PTPRD: variants seen among roughly 807,000 people sequenced by gnomAD.
The protein encoded by PTPRD is receptor-type tyrosine-protein phosphatase delta.
In PTPRD, 34 loss-of-function variants were observed where a neutral mutation model predicts 214.5. That is an observed-to-expected ratio of 0.16 (90% confidence interval 0.12 to 0.21). The LOEUF is 0.21. PTPRD is among the 10% of genes least tolerant of loss of function. The pLI, the probability that PTPRD is intolerant of heterozygous loss-of-function variation, is 1.00. For synonymous variants in PTPRD, 1,128 were observed against 845.7 expected (o/e 1.33, Z -5.79); for missense variants, 2,545 against 2,398.7 (o/e 1.06, Z -1.27).
At chr9:9,281,666 A>G (rs1388186483) in intron 9 of PTPRD, among the ~76,000 whole-genome samples, 4 of 151,374 alleles carry the variant, frequency 2.6e-5, no homozygotes, top group African/African-American at 9.7e-5. Flanking sequence ...AAAATGGTAC[A>G]GCCACTTAGA....
intron 7 of PTPRD, among the ~76,000 whole-genome samples, chr9:9,638,135 A>G (rs1039025189): frequency 6.6e-6 from 1 of 152,050 alleles, no homozygotes; most frequent in African/African-American, 2.4e-5. Context: ...CAAACCTGTG[A>G]TTTTTTCCTC....
rs546086798 is a variant in PTPRD at position 8,942,908 on chromosome 9, T to TA, written c.-104+75788dup. ...CCTAAAGACTCCACCAAAAAATTAT[T>TA]AAATAAGTTTAGATTGATAAACAAA... On this transcript the variant is annotated intron_variant, in intron 11 of 45. Coordinates refer to ENST00000381196, the MANE Select transcript of PTPRD (RefSeq NM_002839.4). Among the ~76,000 whole-genome samples the TA allele has an allele frequency of 1.4e-3, 211 of 152,254 alleles. 1 individual carries two copies. The highest frequency in any genetic ancestry group is 4.1e-3 in the African/African-American group (172 of 41,556).
chr9:10,538,079 A>T (rs913497503), intron 2 of PTPRD, among the ~76,000 whole-genome samples: 6 of 151,988 alleles, frequency 3.9e-5, no homozygotes, highest in Non-Finnish European at 7.4e-5. Context: ...CAACTTGCAT[A>T]GTCTTAATCA....
intron 11 of PTPRD, among the ~76,000 whole-genome samples, chr9:8,871,982 G>C (rs2098308713): frequency 6.6e-6 from 1 of 152,162 alleles, no homozygotes; most frequent in African/African-American, 2.4e-5. Context: ...CCAGCAGCCT[G>C]TGGAAACCAG....
chr9:10,599,469 T>C (rs2077446423), intron 2 of PTPRD, among the ~76,000 whole-genome samples: 3 of 151,752 alleles, frequency 2.0e-5, no homozygotes, highest in Admixed American at 6.6e-5. Context: ...TAACAAATAC[T>C]TTAAATGTAT....
chr9:9,256,355 T>G (rs1463351479), intron 9 of PTPRD, among the ~76,000 whole-genome samples: 1 of 152,036 alleles, frequency 6.6e-6, no homozygotes, highest in African/African-American at 2.4e-5. Flanking sequence ...TATCTCCACC[T>G]CTTCCTTTTT....
chr9:10,016,533 T>C (rs2096719945), intron 4 of PTPRD, among the ~76,000 whole-genome samples: 1 of 152,082 alleles, frequency 6.6e-6, no homozygotes, highest in Admixed American at 6.6e-5. Context: ...TCAAAGCATG[T>C]CTCTATAGGG....
At chr9:8,597,539 A>G (rs886936306) in intron 14 of PTPRD, among the ~76,000 whole-genome samples, 1 of 152,220 alleles carries the variant, frequency 6.6e-6, no homozygotes, top group Non-Finnish European at 1.5e-5. Context: ...ATATTTTTAC[A>G]ACAGTGAAAA....
chr9:10,314,200 G>T (rs1320455067), intron 3 of PTPRD, among the ~76,000 whole-genome samples: 2 of 151,898 alleles, frequency 1.3e-5, no homozygotes, highest in Non-Finnish European at 2.9e-5. Context: ...AAATGCATTT[G>T]TATGGGAAAG....
intron 11 of PTPRD, among the ~76,000 whole-genome samples, chr9:8,984,132 C>T (rs1220996551): frequency 4.6e-5 from 7 of 151,864 alleles, no homozygotes; most frequent in Non-Finnish European, 1.5e-5. Context: ...GTCCTAATTG[C>T]AGTGACATCA....
intron 14 of PTPRD, among the ~76,000 whole-genome samples, chr9:8,577,280 G>C (rs1405639081): frequency 6.6e-6 from 1 of 152,034 alleles, no homozygotes; most frequent in African/African-American, 2.4e-5. Context: ...TTGAGATGGA[G>C]TTTCGCTCTT....
At chr9:8,888,390 A>G (rs191277894) in intron 11 of PTPRD, among the ~76,000 whole-genome samples, 71 of 152,322 alleles carry the variant, frequency 4.7e-4, no homozygotes, top group Admixed American at 3.0e-3. Context: ...CCTTCACCCA[A>G]TGGTTTTCTT....
At chr9:8,480,775 C>A (rs1363975814) in intron 30 of PTPRD, among the ~76,000 whole-genome samples, 1 of 152,048 alleles carries the variant, frequency 6.6e-6, no homozygotes, top group East Asian at 1.9e-4. Context: ...GGAATATAAT[C>A]CCGCTGTCAT....
chr9:9,070,727 G>T (rs1271205851), intron 10 of PTPRD, among the ~76,000 whole-genome samples: 1 of 152,060 alleles, frequency 6.6e-6, no homozygotes, highest in Non-Finnish European at 1.5e-5. Flanking sequence ...CTGCACTTTG[G>T]CATTGTATGG....
At chr9:9,546,784 T>C (rs887362724) in intron 8 of PTPRD, among the ~76,000 whole-genome samples, 4 of 151,926 alleles carry the variant, frequency 2.6e-5, no homozygotes, top group South Asian at 4.2e-4. Flanking sequence ...TAATCTATAA[T>C]GAAAAATTTT....
At chr9:8,336,969 G>C (rs1847557346) in intron 43 of PTPRD, among the ~76,000 whole-genome samples, 1 of 152,214 alleles carries the variant, frequency 6.6e-6, no homozygotes, top group African/African-American at 2.4e-5. Flanking sequence ...GGAGGATGTG[G>C]AGAAATAGGA....
At chr9:10,324,253 A>C (rs758828850) in intron 3 of PTPRD, among the ~76,000 whole-genome samples, 1 of 152,058 alleles carries the variant, frequency 6.6e-6, no homozygotes, top group African/African-American at 2.4e-5. Context: ...AGATGCTTTG[A>C]TAGCCCACCC....
rs867466031 is a variant in PTPRD at position 9,947,122 on chromosome 9, G to A, written c.-471-8512C>T. 1.7e-4 allele frequency among the ~76,000 whole-genome samples: 26 copies of A among 148,798 alleles called. 1 individual carries two copies. Among genetic ancestry groups the A allele is most frequent in the African/African-American group, 5.4e-4 (22 of 40,456 alleles). ...CTTGGAAGAACTGAAAAGTTGACAC[G>A]TCCCTTTATCATGTATTCCTATATG... On this transcript the variant is annotated intron_variant, in intron 4 of 45. Transcript: ENST00000381196.
At chr9:9,372,129 C>T (rs560046954) in intron 9 of PTPRD, among the ~76,000 whole-genome samples, 2 of 152,172 alleles carry the variant, frequency 1.3e-5, no homozygotes, top group South Asian at 4.2e-4. Context: ...TCTATTAGGT[C>T]CGCTTGGTGC....
Sources: gnomAD v4.1 joint callset for allele counts (sites outside exome capture counted in the v4.1 genomes callset) on GRCh38, gnomAD v4.1.1 for gene constraint, MANE v1.5 for transcripts, NCBI Gene and HGNC (gene_info 2026-07-23, HGNC 2026-07-21) for gene names.